ACSS1: variants seen among roughly 807,000 people sequenced by gnomAD.
ACSS1 encodes acyl-CoA synthetase short chain family member 1, also known as acetyl-coenzyme A synthetase 2-like, mitochondrial.
A neutral mutation model predicts 75.3 loss-of-function variants in ACSS1; 42 were observed. The observed-to-expected ratio is 0.56, with a 90% confidence interval of 0.44 to 0.72. The LOEUF (loss-of-function observed/expected upper bound fraction) is 0.72, where lower values mean the gene tolerates loss of function less well. Among genes scored for constraint, ACSS1 ranks in the 30% least tolerant of loss-of-function variants. The pLI is 0.00. For synonymous variants in ACSS1, 380 were observed against 376.8 expected, an observed-to-expected ratio of 1.01 and a Z score of -0.10; for missense variants, 782 against 935.7, an observed-to-expected ratio of 0.84 and a Z score of 2.14.
intron 2 of ACSS1, among the ~76,000 whole-genome samples, chr20:25,042,680 C>T (rs1292692963): frequency 2.0e-5 from 3 of 152,140 alleles, no homozygotes; most frequent in South Asian, 4.2e-4. Flanking sequence ...AGGGGGCACA[C>T]TTTAGCTGAT....
At chr20:25,036,816 CG>C (rs2088914734) in intron 2 of ACSS1, among the ~76,000 whole-genome samples, 1 of 151,766 alleles carries the variant, frequency 6.6e-6, no homozygotes, top group South Asian at 2.1e-4. Flanking sequence ...ATTAGCCAGG[CG>C]TGGTGCTGCA....
Position 25,023,661 on chromosome 20 carries a change from C to A in ACSS1, c.632-20G>T. On this transcript the variant is annotated intron_variant, in intron 3 of 13. Transcript: ENST00000323482. ...ACTTGGCTAACAGAGACAACACAGA[C>A]ATTTCTGATCAGTCTCCTCCCGACT... 1.3e-6 allele frequency: 2 copies of A among 1,574,514 alleles called. No homozygotes were observed. Among genetic ancestry groups the A allele is most frequent in the Non-Finnish European group, 8.6e-7 (1 of 1,159,206 alleles).
In ACSS1 at chr20:25,013,656, C is replaced by T. The variant is rs111277869; in HGVS notation, c.1459G>A (p.Val487Ile). 5.1e-5 allele frequency: 82 copies of T among 1,599,730 alleles called. 1 individual carries two copies. The African/African-American group carries it at 6.5e-4, about 13-fold the overall frequency. Residue 487 changes from valine to isoleucine, a missense_variant, in exon 10 of 14, where the codon GTC becomes ATC. Physicochemically the swap from Val to Ile is conservative, Grantham distance 29. Coordinates refer to ENST00000323482, the MANE Select transcript of ACSS1 (RefSeq NM_032501.4). ...CCGGAGACGTTGCTGCCCTCCACGA[C>T]GCTGCCCTGTAGACCCCGGACATGC... ...VPVLMDEKGSVVEGSNVSGAL... is the reference protein window; with the variant it reads ...VPVLMDEKGSIVEGSNVSGAL...
intron 1 of ACSS1, 121 bp from the exon 2 acceptor site, chr20:25,048,302 A>T: frequency 1.4e-6 from 1 of 736,594 alleles, no homozygotes; most frequent in Non-Finnish European, 2.3e-6. Context: ...ACTGACAGAG[A>T]CCCTGTCCTC....
intron 2 of ACSS1, among the ~76,000 whole-genome samples, chr20:25,043,001 C>T (rs1568846719): frequency 1.3e-5 from 2 of 152,136 alleles, no homozygotes; most frequent in Non-Finnish European, 2.9e-5. Flanking sequence ...GCTCTAGGTC[C>T]ACAGCCAGGG....
At chr20:25,008,830 T>C (rs776960674) in intron 13 of ACSS1, among the ~76,000 whole-genome samples, 2 of 152,222 alleles carry the variant, frequency 1.3e-5, no homozygotes, top group Non-Finnish European at 2.9e-5. Context: ...GTGACTAGCC[T>C]GCACATGCCA....
At position 25,023,363 on chromosome 20, in the gene ACSS1, G is replaced by T; in HGVS notation, c.807+103C>A. The T allele has an allele frequency of 2.9e-6, 4 of 1,386,032 alleles. No homozygotes were observed. In the South Asian group the frequency reaches 5.2e-5, roughly 18 times the overall value. The allele number at this position is 1,386,032 out of a possible 1,614,324, so 85.9% of individuals were successfully genotyped here. A position where few individuals can be genotyped will look rare whatever the true frequency, so the allele number is the denominator to read the frequency against. ...ACCAAATACCACAGAGGAACCCTGG[G>T]CACCTCTAGGGAACCCAAATTGAGA... is the stretch of plus-strand genomic sequence containing the variant. On this transcript the variant is annotated intron_variant, in intron 4 of 13. Transcript: ENST00000323482.
chr20:25,024,591 T>C (rs755156226), intron 3 of ACSS1, among the ~76,000 whole-genome samples: 2 of 152,190 alleles, frequency 1.3e-5, no homozygotes, highest in Non-Finnish European at 2.9e-5. Flanking sequence ...CTCTCCATAA[T>C]TGGGGTACAA....
intron 2 of ACSS1, among the ~76,000 whole-genome samples, chr20:25,035,494 C>T (rs2088895660): frequency 6.6e-6 from 1 of 152,134 alleles, no homozygotes; most frequent in Non-Finnish European, 1.5e-5. Flanking sequence ...CAACCTCCAC[C>T]TCCCAGGTTC....
intron 2 of ACSS1, among the ~76,000 whole-genome samples, chr20:25,047,734 T>C (rs2089118267): frequency 6.6e-6 from 1 of 152,136 alleles, no homozygotes; most frequent in African/African-American, 2.4e-5. Context: ...GGAAGGCCAG[T>C]GCAGACCGCC....
chr20:25,017,928 G>A (rs887707886), intron 7 of ACSS1, among the ~76,000 whole-genome samples: 27 of 152,306 alleles, frequency 1.8e-4, no homozygotes, highest in Admixed American at 1.4e-3. Flanking sequence ...TAGAGGATCT[G>A]GGCGAGTTTC....
At chr20:25,049,004 C>T (rs1356914155) in intron 1 of ACSS1, among the ~76,000 whole-genome samples, 1 of 152,180 alleles carries the variant, frequency 6.6e-6, no homozygotes, top group Non-Finnish European at 1.5e-5. Flanking sequence ...ACATGAGCCC[C>T]ATGAATGGTT....
chr20:25,041,914 G>C (rs558434229), intron 2 of ACSS1, among the ~76,000 whole-genome samples: 3 of 152,184 alleles, frequency 2.0e-5, no homozygotes, highest in African/African-American at 4.8e-5. Context: ...TGCATGAGGA[G>C]GAAGGACGCC....
At chr20:25,009,646 T>A in intron 12 of ACSS1, 1 of 480,240 alleles carries the variant, frequency 2.1e-6, no homozygotes, top group Non-Finnish European at 3.8e-6. Context: ...ATCTCAGCTC[T>A]AATGCTGACT....
chr20:25,012,673 A>C lies in ACSS1; in HGVS notation c.1708-9T>G, dbSNP rs1406705538. On this transcript the variant is annotated splice_polypyrimidine_tract_variant and intron_variant, in intron 11 of 13. Coordinates refer to ENST00000323482, the MANE Select transcript of ACSS1 (RefSeq NM_032501.4). ...ACTGCAGGGTGGTCGGCCTGTGTAC[A>C]ACAGAGAACAAAAGGGCAAAATGTG... 1 of 1,614,168 alleles carries C rather than the reference A, an allele frequency of 6.2e-7. No homozygotes were observed. The highest frequency in any genetic ancestry group is 8.5e-7 in the Non-Finnish European group (1 of 1,180,028).
At chr20:25,036,307 T>C (rs2088906671) in intron 2 of ACSS1, among the ~76,000 whole-genome samples, 1 of 152,336 alleles carries the variant, frequency 6.6e-6, no homozygotes, top group South Asian at 2.1e-4. Context: ...GGAAGAAGAC[T>C]TATTACCAAC....
intron 9 of ACSS1, 44 bp downstream of exon 9, chr20:25,013,917 G>T (rs751988730): frequency 7.6e-6 from 12 of 1,576,524 alleles, no homozygotes; most frequent in Middle Eastern, 1.9e-4. Context: ...AGGGACAAGG[G>T]AGGGCAAGCA....
At chr20:25,053,152 C>T (rs1440962285) in intron 1 of ACSS1, among the ~76,000 whole-genome samples, 1 of 151,104 alleles carries the variant, frequency 6.6e-6, no homozygotes, top group African/African-American at 2.4e-5. Flanking sequence ...CAACCTCCAC[C>T]TCCTGGGCTC....
At position 25,006,913 on chromosome 20, in the gene ACSS1, C is replaced by T. The variant is rs149129309; in HGVS notation, c.*849G>A. 84 of 1,535,508 alleles carry T rather than the reference C, an allele frequency of 5.5e-5. No homozygotes were observed. Among genetic ancestry groups the T allele is most frequent in the Non-Finnish European group, 6.6e-5 (76 of 1,146,742 alleles). On this transcript the variant is annotated 3_prime_UTR_variant, in exon 14 of 14. Transcript: ENST00000323482. ...CTAATAGCTTCCCTGAAGAACCCAACTATTTGGAGTATGTTGCCTCTCCTA... is the reference window on the plus strand; with the variant it reads ...CTAATAGCTTCCCTGAAGAACCCAATTATTTGGAGTATGTTGCCTCTCCTA...
Sources: gnomAD v4.1 joint callset for allele counts (sites outside exome capture counted in the v4.1 genomes callset) on GRCh38, gnomAD v4.1.1 for gene constraint, MANE v1.5 for transcripts, NCBI Gene and HGNC (gene_info 2026-07-23, HGNC 2026-07-21) for gene names.